Variants in GNL3L observed in about 807,000 individuals in gnomAD.
GNL3L encodes G protein nucleolar 3 like, also known as guanine nucleotide-binding protein-like 3-like protein.
GNL3L carries 4 observed loss-of-function variants against 42.9 expected under a neutral mutation model. That is an observed-to-expected ratio of 0.09 (90% CI 0.05 to 0.21). GNL3L has a LOEUF of 0.21. Ranked by LOEUF, GNL3L falls within the 10% of genes least tolerant of loss-of-function variation. The pLI is 1.00. For missense variants in GNL3L, 412 were observed against 481.7 expected (o/e 0.86, Z 1.36); for synonymous variants, 159 against 176.3 (o/e 0.90, Z 0.78).
At chrX:54,576,904 C>T (rs941436951) in intron 16 of GNL3L, among the ~76,000 whole-genome samples, 1 of 111,693 alleles carries the variant, frequency 9.0e-6, no homozygotes, top group South Asian at 3.8e-4. Flanking sequence ...GTAAAAAATA[C>T]GTAAAGAAAA....
At chrX:54,607,057 TTTC>T (rs1926087312) in intron 16 of GNL3L, among the ~76,000 whole-genome samples, 5 of 60,289 alleles carry the variant, frequency 8.3e-5, no homozygotes, top group Admixed American at 5.1e-4. Flanking sequence ...TCTTTCTTTC[TTTC>T]TTTCTTTCTT....
chrX:54,569,663 A>G (rs985343135), downstream of GNL3L, among the ~76,000 whole-genome samples: 2 of 111,977 alleles, frequency 1.8e-5, no homozygotes, highest in African/African-American at 6.5e-5. Flanking sequence ...CCCCTTGATC[A>G]TCTGGCTAAA....
At chrX:54,641,679 C>G in the GNL3L span, among the ~76,000 whole-genome samples, 1 of 112,103 alleles carries the variant, frequency 8.9e-6, no homozygotes, top group Non-Finnish European at 1.9e-5. Flanking sequence ...AGCCCACAAC[C>G]TGTGAGTTGT....
At chrX:54,537,856 A>G (rs1365201396) in intron 2 of GNL3L, among the ~76,000 whole-genome samples, 3 of 110,462 alleles carry the variant, frequency 2.7e-5, no homozygotes, top group Non-Finnish European at 3.8e-5. Context: ...GGATCCTCCT[A>G]CCTTAACCTC....
downstream of GNL3L, among the ~76,000 whole-genome samples, chrX:54,622,411 A>G (rs1276300561): frequency 9.5e-6 from 1 of 104,716 alleles, no homozygotes; most frequent in African/African-American, 3.5e-5. Flanking sequence ...CAGCCTCCTA[A>G]GTAGCTGGGA....
intron 2 of GNL3L, among the ~76,000 whole-genome samples, chrX:54,534,766 ATGAC>A (rs780627932): frequency 3.6e-5 from 4 of 110,975 alleles, no homozygotes; most frequent in Non-Finnish European, 5.7e-5. Context: ...GCTGGGAGGG[ATGAC>A]TGACTGCACC....
intron 16 of GNL3L, among the ~76,000 whole-genome samples, chrX:54,604,121 A>G (rs1355770405): frequency 1.8e-5 from 2 of 111,223 alleles, no homozygotes; most frequent in Non-Finnish European, 3.8e-5. Context: ...CCTGGGTGAC[A>G]GAGTAAGACC....
At chrX:54,603,270 C>T (rs1926023680) in intron 16 of GNL3L, among the ~76,000 whole-genome samples, 1 of 110,623 alleles carries the variant, frequency 9.0e-6, no homozygotes, top group African/African-American at 3.3e-5. Flanking sequence ...AATAAATAAC[C>T]AATCAATCAA....
intron 16 of GNL3L, among the ~76,000 whole-genome samples, chrX:54,613,075 G>A (rs1012219278): frequency 1.8e-5 from 2 of 111,293 alleles, no homozygotes; most frequent in African/African-American, 6.5e-5. Context: ...TTATTCTTAT[G>A]TTTGGTTGTT....
intron 16 of GNL3L, among the ~76,000 whole-genome samples, chrX:54,595,102 T>A (rs768429722): frequency 8.0e-5 from 9 of 112,254 alleles, no homozygotes; most frequent in Non-Finnish European, 1.7e-4. Flanking sequence ...GTGTACTTAC[T>A]ATTAGCAGTG....
chrX:54,597,524 C>G (rs1925945557), intron 16 of GNL3L, among the ~76,000 whole-genome samples: 1 of 110,716 alleles, frequency 9.0e-6, no homozygotes, highest in Non-Finnish European at 1.9e-5. Flanking sequence ...GGGGTGATGC[C>G]AGCACTCCCT....
Position 54,566,930 on chromosome X carries a change from T to C in GNL3L, c.*6328T>C, listed in dbSNP as rs1438245591. Among the ~76,000 whole-genome samples, 1 of 112,043 alleles carries C rather than the reference T, an allele frequency of 8.9e-6. No homozygotes were observed. Among genetic ancestry groups the C allele is most frequent in the Non-Finnish European group, 1.9e-5 (1 of 53,226 alleles). On this transcript the variant is annotated 3_prime_UTR_variant, in exon 16 of 16. Transcript: ENST00000360845. The stretch of plus-strand genomic sequence containing the variant: ...CTGGGACCACAGGCATGTGCCACCA[T>C]GGCTGTTAAATTTATTAATTTGTTT...
At chrX:54,554,303 C>A (rs1335803490) in intron 13 of GNL3L, among the ~76,000 whole-genome samples, 1 of 111,610 alleles carries the variant, frequency 9.0e-6, no homozygotes, top group Non-Finnish European at 1.9e-5. Flanking sequence ...CTCACAGCAG[C>A]CCAGTGTGAA....
chrX:54,543,464 A>C (rs1182312565), intron 7 of GNL3L, 122 bp downstream of exon 7: 2 of 735,494 alleles, frequency 2.7e-6, no homozygotes, highest in Non-Finnish European at 4.0e-6. Context: ...GCAAAGTAGA[A>C]ATTTTTGTTC....
At chrX:54,617,744 G>C (rs765941591) in intron 16 of GNL3L, among the ~76,000 whole-genome samples, 73 of 111,998 alleles carry the variant, frequency 6.5e-4, no homozygotes, top group Non-Finnish European at 1.0e-3. Flanking sequence ...CCCTTCCACT[G>C]TGTGAGAACA....
intron 14 of GNL3L, among the ~76,000 whole-genome samples, chrX:54,556,142 G>A (rs1233395775): frequency 1.8e-5 from 2 of 110,994 alleles, no homozygotes; most frequent in South Asian, 3.8e-4. Flanking sequence ...GTATTAGTCC[G>A]TTTTCATACT....
At chrX:54,639,419 C>T in the GNL3L span, among the ~76,000 whole-genome samples, 1 of 112,359 alleles carries the variant, frequency 8.9e-6, no homozygotes, top group Non-Finnish European at 1.9e-5. Flanking sequence ...CAGCCCCGCC[C>T]CAGTGTACTT....
At chrX:54,588,927 C>G (rs1418810077) in intron 16 of GNL3L, among the ~76,000 whole-genome samples, 3 of 112,040 alleles carry the variant, frequency 2.7e-5, no homozygotes, top group African/African-American at 9.7e-5. Context: ...AATACTTCCT[C>G]TTTGACCCAT....
intron 16 of GNL3L, among the ~76,000 whole-genome samples, chrX:54,602,253 T>C (rs1926012809): frequency 8.9e-6 from 1 of 112,077 alleles, no homozygotes; most frequent in South Asian, 3.7e-4. Context: ...TCGATATTGT[T>C]ATATTTTTAA....
Sources: gnomAD v4.1 joint callset for allele counts (sites outside exome capture counted in the v4.1 genomes callset) on GRCh38, gnomAD v4.1.1 for gene constraint, MANE v1.5 for transcripts, NCBI Gene and HGNC (gene_info 2026-07-23, HGNC 2026-07-21) for gene names.